Variants in MEIS1 observed in about 807,000 individuals in gnomAD.
MEIS1 encodes the protein Meis homeobox 1, also known as homeobox protein Meis1.
In MEIS1, 5 loss-of-function variants were observed where a neutral mutation model predicts 50.8. The observed-to-expected ratio is 0.10, with a 90% confidence interval of 0.05 to 0.21. The LOEUF (loss-of-function observed/expected upper bound fraction) is 0.21, where lower values mean the gene tolerates loss of function less well. MEIS1 is among the 10% of genes least tolerant of loss of function. The pLI is 1.00. For synonymous variants in MEIS1, 176 were observed against 179.3 expected (o/e 0.98, Z 0.15); for missense variants, 318 against 517.3 (o/e 0.61, Z 3.74).
At chr2:66,437,640 C>A in intron 1 of MEIS1, 97 bp from the exon 2 acceptor site, 1 of 1,051,142 alleles carries the variant, frequency 9.5e-7, no homozygotes, top group Non-Finnish European at 1.5e-6. Flanking sequence ...GTGGAAGGAC[C>A]CAGCTGTATT....
intron 7 of MEIS1, among the ~76,000 whole-genome samples, chr2:66,508,730 A>T (rs1413145081): frequency 6.6e-6 from 1 of 152,238 alleles, no homozygotes; most frequent in Non-Finnish European, 1.5e-5. Context: ...TGCTTGCACT[A>T]GTTGCTAAGA....
At chr2:66,499,587 G>A (rs1366862057) in intron 7 of MEIS1, among the ~76,000 whole-genome samples, 1 of 151,738 alleles carries the variant, frequency 6.6e-6, no homozygotes, top group Admixed American at 6.6e-5. Flanking sequence ...GACAGGGAGA[G>A]CCAGACAGTG....
chr2:66,533,363 C>T (rs1041222814), intron 8 of MEIS1, among the ~76,000 whole-genome samples: 4 of 152,150 alleles, frequency 2.6e-5, no homozygotes, highest in African/African-American at 9.7e-5. Context: ...AATATTTTCT[C>T]AGTGCCTTAG....
In MEIS1 at chr2:66,437,032, T is replaced by A. The variant is rs578213787; in HGVS notation, c.13-705T>A. ...AATAGAATATTAGCTGCTTCAACTA[T>A]AGATTTTCTTTAACTTTGGGGGTGG... On this transcript the variant is annotated intron_variant, in intron 1 of 12. Transcript: ENST00000272369. 5.1e-5 allele frequency: 44 copies of A among 855,666 alleles called. No individual in the cohort carries two copies. In the East Asian group the frequency reaches 4.0e-3, roughly 78 times the overall value. The allele number at this position is 855,666 out of a possible 1,614,324, so 53.0% of individuals were successfully genotyped here.
At chr2:66,514,083 A>C (rs1257232646) in intron 8 of MEIS1, among the ~76,000 whole-genome samples, 1 of 152,214 alleles carries the variant, frequency 6.6e-6, no homozygotes, top group Non-Finnish European at 1.5e-5. Context: ...CTGAAGTCAC[A>C]ATCAAATAAT....
At chr2:66,551,010 A>G (rs1416231082) in intron 9 of MEIS1, among the ~76,000 whole-genome samples, 2 of 152,210 alleles carry the variant, frequency 1.3e-5, no homozygotes, top group Non-Finnish European at 2.9e-5. Flanking sequence ...TGTATGAACT[A>G]TGAGTCACTG....
At chr2:66,438,767 G>T (rs1216003279) in intron 2 of MEIS1, among the ~76,000 whole-genome samples, 1 of 151,994 alleles carries the variant, frequency 6.6e-6, no homozygotes, top group Non-Finnish European at 1.5e-5. Context: ...TTTTTACTTT[G>T]CAGAAACTTT....
intron 7 of MEIS1, among the ~76,000 whole-genome samples, chr2:66,475,974 T>A (rs1254788707): frequency 6.6e-6 from 1 of 152,228 alleles, no homozygotes; most frequent in Non-Finnish European, 1.5e-5. Flanking sequence ...GAGGCCTTTC[T>A]TCTCTTGTCT....
rs935857092 is a variant in MEIS1 at position 66,517,740 on chromosome 2, T to C, written c.888+5446T>C. Among the ~76,000 whole-genome samples, 6 of 152,240 alleles carry C rather than the reference T, an allele frequency of 3.9e-5. No individual in the cohort carries two copies. In the East Asian group the frequency reaches 7.7e-4, roughly 20 times the overall value. ...ATTATTTAATTACTTGAGGGGAATA[T>C]TGGAATGCTCTAATTTTTCTGTGAT... is the stretch of plus-strand genomic sequence containing the variant. On this transcript the variant is annotated intron_variant, in intron 8 of 12. Transcript: ENST00000272369.
chr2:66,500,726 G>C (rs887440021), intron 7 of MEIS1, among the ~76,000 whole-genome samples: 4 of 152,096 alleles, frequency 2.6e-5, no homozygotes, highest in African/African-American at 9.7e-5. Context: ...TGCCCGGCCA[G>C]CTTTTTTATT....
chr2:66,493,226 T>G (rs967996145), intron 7 of MEIS1, among the ~76,000 whole-genome samples: 1 of 152,212 alleles, frequency 6.6e-6, no homozygotes, highest in Admixed American at 6.5e-5. Flanking sequence ...TAGTCTTATC[T>G]TGAAGGCATA....
chr2:66,442,859 C>T (rs1444197555), intron 5 of MEIS1, 43 bp from the exon 6 acceptor site: 1 of 1,544,192 alleles, frequency 6.5e-7, no homozygotes, highest in Admixed American at 2.2e-5. Flanking sequence ...CATTTATGCA[C>T]TCCTGATTAT....
chr2:66,487,245 TATGA>T (rs955846763), intron 7 of MEIS1, among the ~76,000 whole-genome samples: 1 of 152,208 alleles, frequency 6.6e-6, no homozygotes, highest in Non-Finnish European at 1.5e-5. Flanking sequence ...AATTTTTTAT[TATGA>T]ATGTTTTCAT....
At chr2:66,562,448 C>T (rs1675242719) in intron 9 of MEIS1, among the ~76,000 whole-genome samples, 1 of 150,136 alleles carries the variant, frequency 6.7e-6, no homozygotes, top group Non-Finnish European at 1.5e-5. Flanking sequence ...AAAGAAAGAA[C>T]AAAGCAAAAC....
intron 7 of MEIS1, 28 bp downstream of exon 7, chr2:66,464,248 A>G: frequency 6.6e-7 from 1 of 1,517,198 alleles, no homozygotes; most frequent in Non-Finnish European, 9.0e-7. Flanking sequence ...CTCTTTTGCT[A>G]CTTGTTTCAT....
intron 9 of MEIS1, among the ~76,000 whole-genome samples, chr2:66,552,136 G>T (rs1171679308): frequency 1.3e-5 from 2 of 151,944 alleles, no homozygotes; most frequent in African/African-American, 4.8e-5. Context: ...AGAATGGTCA[G>T]ATAAAAATTC....
intron 9 of MEIS1, among the ~76,000 whole-genome samples, chr2:66,564,725 T>G (rs990163432): frequency 4.6e-5 from 7 of 152,074 alleles, no homozygotes; most frequent in Non-Finnish European, 7.4e-5. Context: ...TAATTGTTTT[T>G]TTTTTTTTTA....
chr2:66,571,708 T>A lies in MEIS1; in HGVS notation c.*500T>A. 1.6e-6 allele frequency: 1 copy of A among 641,508 alleles called. No homozygotes were observed. 39.7% of individuals were successfully genotyped at this position (641,508 alleles called of 1,614,324 possible). On this transcript the variant is annotated 3_prime_UTR_variant, in exon 13 of 13. Transcript: ENST00000272369. Reference sequence around the variant, plus strand: ...AAGTCAATTTGGGGGACATGCTAAATAACTATATAAGACATTAAGAGAACA... The same window carrying A: ...AAGTCAATTTGGGGGACATGCTAAAAAACTATATAAGACATTAAGAGAACA...
intron 8 of MEIS1, among the ~76,000 whole-genome samples, chr2:66,530,446 G>A (rs1674361937): frequency 6.6e-6 from 1 of 151,640 alleles, no homozygotes; most frequent in African/African-American, 2.4e-5. Flanking sequence ...CGGGTACGGT[G>A]GCTCACGCCT....
Sources: allele counts gnomAD v4.1 joint callset (sites outside exome capture counted in the v4.1 genomes callset), GRCh38; gene constraint gnomAD v4.1.1; transcripts MANE v1.5; gene names NCBI Gene and HGNC (gene_info 2026-07-23, HGNC 2026-07-21).